The following FBXO27 variants were observed in gnomAD, a reference collection of about 807,000 sequenced individuals.
FBXO27 encodes F-box protein 27, also known as F-box only protein 27.
A neutral mutation model predicts 28.3 loss-of-function variants in FBXO27; 28 were observed. That is an observed-to-expected ratio of 0.99 (90% confidence interval 0.73 to 1.36). The LOEUF (loss-of-function observed/expected upper bound fraction) is 1.36. FBXO27 is among the 40% of genes most tolerant of loss of function. The pLI is 0.00. For synonymous variants in FBXO27, 175 were observed against 167.3 expected, an observed-to-expected ratio of 1.05 and a Z score of -0.36; for missense variants, 388 against 394.1, an observed-to-expected ratio of 0.98 and a Z score of 0.13.
intron 2 of FBXO27, among the ~76,000 whole-genome samples, chr19:39,013,179 A>G (rs941939350): frequency 2.0e-5 from 3 of 152,166 alleles, no homozygotes; most frequent in Non-Finnish European, 2.9e-5. Context: ...TACAGGCCAC[A>G]GTTGCAACCT....
chr19:39,009,752 T>C (rs2072785903), intron 2 of FBXO27, among the ~76,000 whole-genome samples: 1 of 152,154 alleles, frequency 6.6e-6, no homozygotes, highest in East Asian at 1.9e-4. Context: ...GGTTGTCTTT[T>C]CATTATTTGG....
Position 39,032,308 on chromosome 19 carries a change from G to A in FBXO27, c.-26-55C>T, listed in dbSNP as rs1374848770. ...GGACCAGCAGCCTCCGCGGCGCGCAGCCTCTGCCTGCCCTGATTCTGCCAG... is the reference window on the plus strand; with the variant it reads ...GGACCAGCAGCCTCCGCGGCGCGCAACCTCTGCCTGCCCTGATTCTGCCAG... On this transcript the variant is annotated intron_variant, in intron 1 of 5. Transcript: ENST00000292853. This position sits in a 1 kb window ranked among gnomAD's most constrained non-coding sequence, Gnocchi z 4.7. 3.5e-5 allele frequency: 48 copies of A among 1,375,176 alleles called. No individual in the cohort carries two copies. The highest frequency in any genetic ancestry group is 4.4e-5 in the Non-Finnish European group (47 of 1,072,972). The allele number at this position is 1,375,176 out of a possible 1,614,324, so 85.2% of individuals were successfully genotyped here. A position where few individuals can be genotyped will look rare whatever the true frequency, so the allele number is the denominator to read the frequency against.
rs143531686 is a variant in FBXO27 at position 39,009,126 on chromosome 19, C to T, written c.252+5261G>A. The stretch of plus-strand genomic sequence containing the variant: ...CGTGAGCCTCCATGCCCAGCCTATT[C>T]CTTTTTATGATGGAATAATTTCCCA... On this transcript the variant is annotated intron_variant, in intron 2 of 2. Coordinates refer to the FBXO27 transcript ENST00000598394. Among the ~76,000 whole-genome samples the T allele has an allele frequency of 3.2e-3, 486 of 152,272 alleles. 2 individuals carry two copies. The highest frequency in any genetic ancestry group is 5.3e-3 in the Non-Finnish European group (359 of 68,002).
At chr19:39,031,145 G>T in intron 3 of FBXO27, 21 bp from the exon 4 acceptor site, 1 of 1,612,998 alleles carries the variant, frequency 6.2e-7, no homozygotes, top group Non-Finnish European at 8.5e-7. Context: ...AGGAGACAGG[G>T]TAATGAGAAC....
downstream of FBXO27, among the ~76,000 whole-genome samples, chr19:39,021,920 CAA>C (rs764781156): frequency 5.6e-4 from 85 of 152,032 alleles, no homozygotes; most frequent in Non-Finnish European, 1.0e-3. Flanking sequence ...CTTAGCCTCC[CAA>C]AGTGCTGGGA....
intron 2 of FBXO27, among the ~76,000 whole-genome samples, chr19:39,012,069 G>A (rs1441445256): frequency 3.3e-5 from 5 of 151,158 alleles, no homozygotes; most frequent in African/African-American, 9.7e-5. Flanking sequence ...TCCTGACCTC[G>A]TGATCCGCCC....
chr19:39,030,959 T>C, intron 4 of FBXO27, 70 bp downstream of exon 4: 1 of 1,316,294 alleles, frequency 7.6e-7, no homozygotes, highest in Non-Finnish European at 1.1e-6. Flanking sequence ...CTAAATTAAG[T>C]CACCCATAAA....
chr19:39,009,022 A>G (rs2072782797), intron 2 of FBXO27, among the ~76,000 whole-genome samples: 2 of 152,126 alleles, frequency 1.3e-5, no homozygotes, highest in Non-Finnish European at 2.9e-5. Context: ...GGGTTTCACC[A>G]TATTAGCCAG....
At chr19:39,012,715 T>A (rs2144883186) in intron 2 of FBXO27, among the ~76,000 whole-genome samples, 1 of 151,884 alleles carries the variant, frequency 6.6e-6, no homozygotes, top group South Asian at 2.1e-4. Flanking sequence ...GCTAGCACTT[T>A]GGGAGGCCGA....
In FBXO27 at chr19:39,028,502, A is replaced by C. The variant is rs140045014; in HGVS notation, c.573-1497T>G. 2.1e-3 allele frequency among the ~76,000 whole-genome samples: 324 copies of C among 152,290 alleles called. 1 individual carries two copies. The highest frequency in any genetic ancestry group is 7.5e-3 in the African/African-American group (310 of 41,572). ...GTAATCCCAGCACTTTGGGAGGCAG[A>C]GGTGTAAGGACTGCTTGAATCCAGG... On this transcript the variant is annotated intron_variant, in intron 4 of 5. Transcript: ENST00000292853.
At chr19:39,016,839 A>G (rs2072822719) in intron 1 of FBXO27, among the ~76,000 whole-genome samples, 1 of 152,160 alleles carries the variant, frequency 6.6e-6, no homozygotes, top group Admixed American at 6.6e-5. Context: ...AAAAATATGC[A>G]CACCAGGCTG....
At chr19:39,018,105 C>T (rs921231376) in intron 1 of FBXO27, among the ~76,000 whole-genome samples, 1 of 152,040 alleles carries the variant, frequency 6.6e-6, no homozygotes, top group Non-Finnish European at 1.5e-5. Context: ...CTCAGCCTCC[C>T]AAGTAACTGG....
At position 39,006,151 on chromosome 19, in the gene FBXO27, G is replaced by A. The variant is rs144792662; in HGVS notation, c.252+8236C>T. 3.3e-5 allele frequency among the ~76,000 whole-genome samples: 5 copies of A among 152,342 alleles called. No individual in the cohort carries two copies. The East Asian group carries it at 9.6e-4, about 29-fold the overall frequency. On this transcript the variant is annotated intron_variant, in intron 2 of 2. Transcript: ENST00000598394. ...AGTAAAACTGGCCTGGCCAGGAGTG[G>A]TGGTTCATGCCTGTAATCTTAGCAC...
intron 2 of FBXO27, among the ~76,000 whole-genome samples, chr19:39,013,043 C>T (rs556890154): frequency 6.6e-6 from 1 of 152,158 alleles, no homozygotes; most frequent in Non-Finnish European, 1.5e-5. Context: ...ACCTCTTTCC[C>T]GATCATCATC....
At chr19:39,028,545 G>A (rs1403353580) in intron 4 of FBXO27, among the ~76,000 whole-genome samples, 1 of 152,080 alleles carries the variant, frequency 6.6e-6, no homozygotes, top group Non-Finnish European at 1.5e-5. Context: ...GGCCAGCCTG[G>A]GTGACATGGC....
intron 2 of FBXO27, among the ~76,000 whole-genome samples, chr19:39,012,147 A>C (rs1600222640): frequency 1.4e-5 from 2 of 138,278 alleles, no homozygotes; most frequent in African/African-American, 5.4e-5. Context: ...CCTGATTTTC[A>C]ATATTGATTT....
chr19:39,018,993 C>T (rs1186012985), intron 1 of FBXO27, among the ~76,000 whole-genome samples: 3 of 150,572 alleles, frequency 2.0e-5, no homozygotes, highest in Non-Finnish European at 2.9e-5. Flanking sequence ...CACTTGAACC[C>T]GGGAGGCAGA....
At chr19:39,030,594 C>T (rs2072896410) in intron 4 of FBXO27, 1 of 183,072 alleles carries the variant, frequency 5.5e-6, no homozygotes, top group African/African-American at 2.4e-5. Flanking sequence ...TTTTTCACTT[C>T]ACCTCCCTGA....
intron 2 of FBXO27, among the ~76,000 whole-genome samples, chr19:39,010,103 C>G (rs1237203541): frequency 6.6e-6 from 1 of 151,328 alleles, no homozygotes; most frequent in Non-Finnish European, 1.5e-5. Context: ...AGCCACTGCA[C>G]CCAGCCTAAA....
Sources: gnomAD v4.1 joint callset for allele counts (sites outside exome capture counted in the v4.1 genomes callset) on GRCh38, gnomAD v4.1.1 for gene constraint, Gnocchi (gnomAD v3.1) non-coding constraint, MANE v1.5 for transcripts, NCBI Gene and HGNC (gene_info 2026-07-23, HGNC 2026-07-21) for gene names.